Variants in DIS3L2 observed in about 807,000 individuals in gnomAD.
DIS3L2 encodes the protein DIS3 like 3'-5' exoribonuclease 2.
DIS3L2 carries 34 observed loss-of-function variants against 97.5 expected under a neutral mutation model. The ratio of observed to expected loss-of-function variants is 0.35; its 90% CI spans 0.27 to 0.46. The LOEUF (loss-of-function observed/expected upper bound fraction) is 0.46, where lower values mean the gene tolerates loss of function less well. Among genes scored for constraint, DIS3L2 ranks in the 20% least tolerant of loss-of-function variants. The pLI is 1.00. For synonymous variants in DIS3L2, 435 were observed against 445.2 expected (o/e 0.98, Z 0.29); for missense variants, 1,038 against 1,146.0 (o/e 0.91, Z 1.36).
At chr2:232,299,927 C>A in intron 13 of DIS3L2, 113 bp from the exon 14 acceptor site, 3 of 1,059,148 alleles carry the variant, frequency 2.8e-6, no homozygotes, top group African/African-American at 3.2e-5. Context: ...TTCTCCACAA[C>A]ACATTGACTT....
At chr2:232,297,305 G>A (rs925705608) in intron 13 of DIS3L2, among the ~76,000 whole-genome samples, 74 of 152,316 alleles carry the variant, frequency 4.9e-4, no homozygotes, top group Middle Eastern at 3.4e-3. Context: ...AGCCTGCCTT[G>A]CCAGCTCATC....
rs999778048 is a variant in DIS3L2 at position 232,330,571 on chromosome 2, G to A, written c.1924-119G>A. The stretch of plus-strand genomic sequence containing the variant: ...ACCCATCCCCTCTGAGCAGGGCTGA[G>A]CCCCACAGGCAACTCCTCCCCCCAG... On this transcript the variant is annotated intron_variant, in intron 15 of 20. Transcript: ENST00000325385. 1,041 of 1,026,824 alleles carry A rather than the reference G, an allele frequency of 1.0e-3. 3 individuals carry two copies. The highest frequency in any genetic ancestry group is 1.4e-3 in the Non-Finnish European group (929 of 662,372). 63.6% of individuals were successfully genotyped at this position (1,026,824 alleles called of 1,614,324 possible).
rs1553605998 is a variant in DIS3L2, at chr2:232,086,615, A to ATATATATATATACACACATATATATATG, written c.367-860_367-859insCACACATATATATATGTATATATATATA. Among the ~76,000 whole-genome samples, 115 of 54,530 alleles carry ATATATATATATACACACATATATATATG rather than the reference A, an allele frequency of 2.1e-3. 1 individual carries two copies. Among genetic ancestry groups the ATATATATATATACACACATATATATATG allele is most frequent in the African/African-American group, 6.2e-3 (106 of 17,198 alleles). The allele number at this position is 54,530 out of a possible 152,430, so 35.8% of individuals were successfully genotyped here. On this transcript the variant is annotated intron_variant, in intron 5 of 20. Coordinates refer to ENST00000325385, the MANE Select transcript of DIS3L2 (RefSeq NM_152383.5). ...TATATATATATATGTGTGTGTGTGT[A>ATATATATATATACACACATATATATATG]TATATATATATATACACATATATAT...
At chr2:232,324,244 C>T (rs1211597908) in intron 14 of DIS3L2, among the ~76,000 whole-genome samples, 2 of 152,294 alleles carry the variant, frequency 1.3e-5, no homozygotes, top group African/African-American at 2.4e-5. Context: ...CAGCGTGTGC[C>T]CAAGTGTGGA....
intron 5 of DIS3L2, among the ~76,000 whole-genome samples, chr2:232,047,362 T>G (rs1370030505): frequency 1.3e-5 from 2 of 152,206 alleles, no homozygotes; most frequent in Non-Finnish European, 2.9e-5. Context: ...GAGGAAAATG[T>G]AAAGAAAAGC....
chr2:232,051,619 C>T (rs947094474), intron 5 of DIS3L2, among the ~76,000 whole-genome samples: 6 of 151,052 alleles, frequency 4.0e-5, no homozygotes, highest in South Asian at 2.1e-4. Flanking sequence ...GAGACCATCC[C>T]GGCTAAAACG....
intron 13 of DIS3L2, among the ~76,000 whole-genome samples, chr2:232,263,967 G>T (rs1388726665): frequency 1.3e-5 from 2 of 152,238 alleles, no homozygotes; most frequent in Non-Finnish European, 1.5e-5. Context: ...GAACTGAGGA[G>T]ACTGTAGAAC....
intron 5 of DIS3L2, among the ~76,000 whole-genome samples, chr2:232,077,211 C>T (rs79036504): frequency 0.11 from 17,066 of 151,848 alleles, 1,206 homozygotes; most frequent in African/African-American, 0.2. Context: ...CTCTGTCTTC[C>T]GGAGCATAGG....
chr2:232,320,184 G>T (rs1161294017), intron 14 of DIS3L2, among the ~76,000 whole-genome samples: 2 of 152,016 alleles, frequency 1.3e-5, no homozygotes, highest in South Asian at 2.1e-4. Flanking sequence ...TGTTCTGGGG[G>T]GGGTGGGGGA....
intron 13 of DIS3L2, among the ~76,000 whole-genome samples, chr2:232,273,999 G>A (rs1476456243): frequency 6.6e-6 from 1 of 152,172 alleles, no homozygotes; most frequent in Non-Finnish European, 1.5e-5. Context: ...ATAAGACAGA[G>A]GTTCTGTGTT....
intron 6 of DIS3L2, among the ~76,000 whole-genome samples, chr2:232,090,778 G>A (rs190432184): frequency 2.4e-4 from 37 of 152,282 alleles, no homozygotes; most frequent in Middle Eastern, 3.4e-3. Context: ...TTTTGCTTTA[G>A]TATTATGTTT....
chr2:232,229,482 C>G (rs921389447), intron 10 of DIS3L2, among the ~76,000 whole-genome samples: 4 of 152,216 alleles, frequency 2.6e-5, no homozygotes, highest in Non-Finnish European at 5.9e-5. Context: ...CAGGCTTGAC[C>G]GGCTGACCTG....
intron 5 of DIS3L2, among the ~76,000 whole-genome samples, chr2:232,070,243 G>A (rs1695974457): frequency 6.6e-6 from 1 of 152,162 alleles, no homozygotes; most frequent in Admixed American, 6.5e-5. Context: ...GCCAGCCTGG[G>A]CAACAGAGGT....
chr2:232,288,686 A>C (rs1694514658), intron 13 of DIS3L2, among the ~76,000 whole-genome samples: 1 of 152,234 alleles, frequency 6.6e-6, no homozygotes, highest in African/African-American at 2.4e-5. Flanking sequence ...CAGCTTGATC[A>C]CTGGCTCTGA....
chr2:232,321,740 G>A (rs1324237461), intron 14 of DIS3L2, among the ~76,000 whole-genome samples: 1 of 152,226 alleles, frequency 6.6e-6, no homozygotes, highest in African/African-American at 2.4e-5. Flanking sequence ...GGGCCTGAGT[G>A]CTGCTTCTGC....
intron 1 of DIS3L2, among the ~76,000 whole-genome samples, chr2:232,000,655 T>TTCCTTTCCTTTCCTTTCCTTTCCTG (rs1693862188): frequency 7.0e-6 from 1 of 143,876 alleles, no homozygotes; most frequent in Non-Finnish European, 1.5e-5. Flanking sequence ...TTCCTTTCCT[T>TTCCTTTCCTTTCCTTTCCTTTCCTG]TCCTTTCTCT....
chr2:232,108,963 G>A (rs1697439936), intron 6 of DIS3L2, among the ~76,000 whole-genome samples: 1 of 152,218 alleles, frequency 6.6e-6, no homozygotes, highest in Non-Finnish European at 1.5e-5. Context: ...AATCAATATT[G>A]TGAAAATGAC....
At chr2:232,161,000 C>T (rs1169765222) in intron 8 of DIS3L2, among the ~76,000 whole-genome samples, 1 of 152,184 alleles carries the variant, frequency 6.6e-6, no homozygotes, top group Non-Finnish European at 1.5e-5. Flanking sequence ...TCACCGCAAC[C>T]TCCGCCTCCC....
chr2:232,056,285 C>T (rs891143662), intron 5 of DIS3L2, among the ~76,000 whole-genome samples: 3 of 151,982 alleles, frequency 2.0e-5, no homozygotes, highest in Non-Finnish European at 2.9e-5. Flanking sequence ...GCAGGACAAT[C>T]GCTTGAACTT....
Sources: allele counts gnomAD v4.1 joint callset (sites outside exome capture counted in the v4.1 genomes callset), GRCh38; gene constraint gnomAD v4.1.1; transcripts MANE v1.5; gene names NCBI Gene and HGNC (gene_info 2026-07-23, HGNC 2026-07-21).